Variants in NELL1 observed in about 807,000 individuals in gnomAD.
NELL1 encodes neural EGFL like 1.
A neutral mutation model predicts 107.4 loss-of-function variants in NELL1; 76 were observed. That is an observed-to-expected ratio of 0.71 (90% CI 0.59 to 0.86). The LOEUF is 0.86. Ranked by LOEUF, NELL1 falls within the 40% of genes least tolerant of loss-of-function variation. NELL1 has a pLI of 0.00. For missense variants in NELL1, 1,024 were observed against 1,005.5 expected (o/e 1.02, Z -0.25); for synonymous variants, 353 against 341.2 (o/e 1.03, Z -0.38).
At chr11:21,382,684 A>G (rs553735365) in intron 15 of NELL1, among the ~76,000 whole-genome samples, 77 of 151,012 alleles carry the variant, frequency 5.1e-4, no homozygotes, top group African/African-American at 1.8e-3. Context: ...TAACTTTACC[A>G]TTAATGAAGG....
At chr11:20,676,250 G>T in intron 1 of NELL1, among the ~76,000 whole-genome samples, 1 of 146,274 alleles carries the variant, frequency 6.8e-6, no homozygotes, top group African/African-American at 2.6e-5. Flanking sequence ...TCTAAAGTAG[G>T]ACCCCCCCAT....
intron 14 of NELL1, among the ~76,000 whole-genome samples, chr11:21,251,556 C>T (rs1858639108): frequency 6.6e-6 from 1 of 151,932 alleles, no homozygotes. Context: ...CACCCGCCAT[C>T]AACAGCAAGT....
intron 15 of NELL1, among the ~76,000 whole-genome samples, chr11:21,472,171 GTTT>G: frequency 6.6e-6 from 1 of 151,904 alleles, no homozygotes; most frequent in East Asian, 1.9e-4. Flanking sequence ...TTGTTTGTTT[GTTT>G]GTTTGTTTTA....
rs138578439 is a variant in NELL1 at position 21,509,049 on chromosome 11, A to G, written c.1646-25325A>G. Among the ~76,000 whole-genome samples, 1,491 of 152,302 alleles carry G rather than the reference A, an allele frequency of 9.8e-3. 27 individuals carry two copies. Among genetic ancestry groups the G allele is most frequent in the African/African-American group, 0.033 (1,392 of 41,572 alleles). ...AAATACATTTTAAAAATCTACATAA[A>G]TAGTAAAACAAATTAAGTGGGTAAA... On this transcript the variant is annotated intron_variant, in intron 15 of 19. Transcript: ENST00000357134.
intron 13 of NELL1, among the ~76,000 whole-genome samples, chr11:21,215,597 A>G (rs1368579285): frequency 1.3e-5 from 2 of 152,172 alleles, no homozygotes; most frequent in African/African-American, 2.4e-5. Flanking sequence ...TGATATAGAA[A>G]ATGAAGTCCA....
intron 12 of NELL1, among the ~76,000 whole-genome samples, chr11:20,996,906 C>T (rs1852102482): frequency 6.6e-6 from 1 of 152,286 alleles, no homozygotes; most frequent in Admixed American, 6.5e-5. Flanking sequence ...TCTCCCCCAC[C>T]TCCATATCCT....
chr11:20,688,315 T>C (rs966596107), intron 2 of NELL1, among the ~76,000 whole-genome samples: 5 of 152,176 alleles, frequency 3.3e-5, no homozygotes, highest in Non-Finnish European at 7.4e-5. Context: ...GTTTGGTGTA[T>C]AATTGATCTG....
chr11:21,409,438 G>T, intron 15 of NELL1, among the ~76,000 whole-genome samples: 1 of 151,930 alleles, frequency 6.6e-6, no homozygotes, highest in South Asian at 2.1e-4. Context: ...TTGTGGGGTT[G>T]GGGGAGCGGG....
chr11:21,518,482 G>T (rs1410547158), intron 15 of NELL1, among the ~76,000 whole-genome samples: 1 of 152,240 alleles, frequency 6.6e-6, no homozygotes, highest in East Asian at 1.9e-4. Context: ...TAAAAAATGT[G>T]GACCTGTCTT....
At chr11:21,076,467 T>C (rs1213047876) in intron 12 of NELL1, among the ~76,000 whole-genome samples, 3 of 152,250 alleles carry the variant, frequency 2.0e-5, no homozygotes, top group Non-Finnish European at 4.4e-5. Context: ...TGGCTGAATT[T>C]GGTTAAAGAA....
intron 2 of NELL1, among the ~76,000 whole-genome samples, chr11:20,726,235 AT>A (rs764915099): frequency 2.0e-5 from 3 of 152,194 alleles, no homozygotes; most frequent in African/African-American, 4.8e-5. Context: ...TGGTAGAATG[AT>A]TTTTTTTGGG....
At chr11:21,514,179 C>A (rs949740527) in intron 15 of NELL1, among the ~76,000 whole-genome samples, 1 of 151,986 alleles carries the variant, frequency 6.6e-6, no homozygotes, top group Non-Finnish European at 1.5e-5. Flanking sequence ...TTGCAAATAT[C>A]AAAATAATAC....
rs115141139 is a variant in NELL1, at chr11:21,111,922, G to A, written c.1301-1667G>A. ...GCCTATTTTCACCCAACCTTTCATC[G>A]TCCTACCAAAGACCTTATAAGCAAC... is the stretch of plus-strand genomic sequence containing the variant. On this transcript the variant is annotated intron_variant, in intron 12 of 19. Coordinates refer to ENST00000357134, the MANE Select transcript of NELL1 (RefSeq NM_006157.5). Among the ~76,000 whole-genome samples, 65 of 152,010 alleles carry A rather than the reference G, an allele frequency of 4.3e-4. 3 individuals carry two copies. The highest frequency in any genetic ancestry group is 9.9e-4 in the African/African-American group (41 of 41,484).
chr11:20,771,688 A>G (rs922348303), intron 2 of NELL1, among the ~76,000 whole-genome samples: 12 of 152,158 alleles, frequency 7.9e-5, no homozygotes, highest in Admixed American at 2.0e-4. Flanking sequence ...AGCTGGGGAA[A>G]AATCTATCTG....
At chr11:21,485,073 A>G (rs868381913) in intron 15 of NELL1, among the ~76,000 whole-genome samples, 3 of 152,144 alleles carry the variant, frequency 2.0e-5, no homozygotes, top group Admixed American at 6.5e-5. Context: ...TATACTTGCC[A>G]TGTATAATCC....
intron 12 of NELL1, among the ~76,000 whole-genome samples, chr11:21,107,373 T>C (rs1046166187): frequency 4.6e-5 from 7 of 152,158 alleles, no homozygotes; most frequent in African/African-American, 1.7e-4. Flanking sequence ...ATTGTTCTAA[T>C]ATACCAACCA....
intron 13 of NELL1, among the ~76,000 whole-genome samples, chr11:21,122,582 A>G (rs1855394545): frequency 6.6e-6 from 1 of 152,160 alleles, no homozygotes; most frequent in Non-Finnish European, 1.5e-5. Flanking sequence ...TATACTAACT[A>G]TTCTTTGGCC....
intron 16 of NELL1, among the ~76,000 whole-genome samples, chr11:21,553,275 C>T (rs775194931): frequency 9.9e-5 from 15 of 151,852 alleles, no homozygotes; most frequent in Non-Finnish European, 2.1e-4. Flanking sequence ...CCGAGGATTA[C>T]ATTGCCAAGG....
chr11:21,551,221 T>C (rs1380065237), intron 16 of NELL1, among the ~76,000 whole-genome samples: 1 of 152,064 alleles, frequency 6.6e-6, no homozygotes, highest in African/African-American at 2.4e-5. Flanking sequence ...AAGTTGCTTA[T>C]CAGCTTAAGG....
Sources: allele counts gnomAD v4.1 joint callset (sites outside exome capture counted in the v4.1 genomes callset), GRCh38; gene constraint gnomAD v4.1.1; transcripts MANE v1.5; gene names NCBI Gene and HGNC (gene_info 2026-07-23, HGNC 2026-07-21).